CPNE5: variants seen among roughly 807,000 people sequenced by gnomAD.
CPNE5 encodes the protein copine-5.
In CPNE5, 42 loss-of-function variants were observed where a neutral mutation model predicts 81.1. That is an observed-to-expected ratio of 0.52 (90% CI 0.40 to 0.67). CPNE5 has a LOEUF of 0.67. CPNE5 is among the 30% of genes least tolerant of loss of function. The probability of loss-of-function intolerance (pLI) is 0.00; values close to 1 mark genes in which losing one functional copy is unlikely to be tolerated. For missense variants in CPNE5, 612 were observed against 815.5 expected, an observed-to-expected ratio of 0.75 and a Z score of 3.04; for synonymous variants, 313 against 321.5, an observed-to-expected ratio of 0.97 and a Z score of 0.28.
chr6:36,759,933 G>T (rs1222094124), intron 12 of CPNE5, among the ~76,000 whole-genome samples: 2 of 151,998 alleles, frequency 1.3e-5, no homozygotes, highest in Non-Finnish European at 2.9e-5. Flanking sequence ...ACAGCCAGGC[G>T]TGGTGGCTCA....
chr6:36,775,802 T>G (rs1767448169), intron 9 of CPNE5, among the ~76,000 whole-genome samples: 1 of 152,234 alleles, frequency 6.6e-6, no homozygotes, highest in Non-Finnish European at 1.5e-5. Flanking sequence ...AATGTAAGTT[T>G]CATAAAAGCA....
chr6:36,810,702 T>C (rs568763963), intron 3 of CPNE5, among the ~76,000 whole-genome samples: 1 of 152,190 alleles, frequency 6.6e-6, no homozygotes, highest in South Asian at 2.1e-4. Context: ...CAGAATTCTG[T>C]GGCCACCCCT....
intron 10 of CPNE5, among the ~76,000 whole-genome samples, chr6:36,774,100 T>A (rs1400841650): frequency 1.4e-5 from 2 of 140,522 alleles, no homozygotes; most frequent in Non-Finnish European, 3.1e-5. Context: ...AAAAAAAAAA[T>A]CTGCCAGGCA....
chr6:36,809,949 C>A (rs1389657012), intron 3 of CPNE5, among the ~76,000 whole-genome samples: 1 of 151,826 alleles, frequency 6.6e-6, no homozygotes, highest in Non-Finnish European at 1.5e-5. Flanking sequence ...TCTCATTTAA[C>A]CCCCTCCAAT....
chr6:36,762,290 A>G (rs918933822), intron 12 of CPNE5, among the ~76,000 whole-genome samples: 15 of 143,664 alleles, frequency 1.0e-4, no homozygotes, highest in Admixed American at 2.8e-4. Context: ...ACGCACGCGC[A>G]CACACACATA....
At chr6:36,769,052 C>G (rs977405295) in intron 10 of CPNE5, among the ~76,000 whole-genome samples, 12 of 152,238 alleles carry the variant, frequency 7.9e-5, no homozygotes, top group African/African-American at 2.9e-4. Flanking sequence ...AAGCTCCTGT[C>G]TCTCAAACAA....
chr6:36,812,596 ACAGCACCTCACTGTGTCAAAG>A (rs1240041813), intron 3 of CPNE5, among the ~76,000 whole-genome samples: 2 of 152,200 alleles, frequency 1.3e-5, no homozygotes, highest in Non-Finnish European at 2.9e-5. Context: ...GACATCCCAG[ACAGCACCTCACTGTGTCAAAG>A]CAGGTTTTAA....
chr6:36,810,054 G>T (rs1402189286), intron 3 of CPNE5, among the ~76,000 whole-genome samples: 1 of 152,050 alleles, frequency 6.6e-6, no homozygotes, highest in Non-Finnish European at 1.5e-5. Context: ...GGCAACCCAT[G>T]GTGGGCGAGG....
At chr6:36,808,268 T>A (rs1451496440) in intron 3 of CPNE5, among the ~76,000 whole-genome samples, 1 of 152,076 alleles carries the variant, frequency 6.6e-6, no homozygotes, top group Admixed American at 6.5e-5. Context: ...GTTTTGTATT[T>A]TTAGTAGAGG....
intron 1 of CPNE5, among the ~76,000 whole-genome samples, chr6:36,837,358 A>G (rs1454626964): frequency 6.6e-6 from 1 of 152,212 alleles, no homozygotes; most frequent in Non-Finnish European, 1.5e-5. Context: ...ATTTGCCCCA[A>G]GTGGTGAAGC....
intron 13 of CPNE5, chr6:36,755,727 G>C (rs1222657839): frequency 1.3e-5 from 2 of 158,140 alleles, no homozygotes; most frequent in African/African-American, 4.8e-5. Flanking sequence ...GTCATCCCAG[G>C]AAGGTCACGG....
intron 8 of CPNE5, among the ~76,000 whole-genome samples, chr6:36,784,558 G>C (rs1224450113): frequency 6.6e-6 from 1 of 152,214 alleles, no homozygotes; most frequent in Non-Finnish European, 1.5e-5. Flanking sequence ...GGGCCAGCAG[G>C]ATAACAGAGC....
intron 18 of CPNE5, 78 bp downstream of exon 18, chr6:36,744,970 G>T: frequency 1.0e-6 from 1 of 993,658 alleles, no homozygotes; most frequent in Non-Finnish European, 1.6e-6. Context: ...CAAGGAGGTA[G>T]GCACATCCCC....
upstream of CPNE5, chr6:36,839,579 G>C (rs1322578449): frequency 6.2e-6 from 3 of 482,840 alleles, no homozygotes; most frequent in Non-Finnish European, 1.1e-5. This position sits in a 1 kb window ranked among gnomAD's most constrained non-coding sequence, Gnocchi z 7.3. Context: ...TCGAGGAGGG[G>C]GCTCGGGTGA....
Sources: gnomAD v4.1 joint callset for allele counts (sites outside exome capture counted in the v4.1 genomes callset) on GRCh38, gnomAD v4.1.1 for gene constraint, Gnocchi (gnomAD v3.1) non-coding constraint, MANE v1.5 for transcripts, NCBI Gene and HGNC (gene_info 2026-07-23, HGNC 2026-07-21) for gene names.